Variants in PTPRD observed in about 807,000 individuals in gnomAD.
The protein encoded by PTPRD is protein tyrosine phosphatase receptor type D.
A neutral mutation model predicts 214.5 loss-of-function variants in PTPRD; 34 were observed. That is an observed-to-expected ratio of 0.16 (90% CI 0.12 to 0.21). PTPRD has a LOEUF of 0.21. PTPRD is among the 10% of genes least tolerant of loss of function. PTPRD has a pLI of 1.00. For synonymous variants in PTPRD, 1,128 were observed against 845.7 expected (o/e 1.33, Z -5.79); for missense variants, 2,545 against 2,398.7 (o/e 1.06, Z -1.27).
intron 9 of PTPRD, among the ~76,000 whole-genome samples, chr9:9,392,045 A>G (rs1247061393): frequency 6.6e-6 from 1 of 152,156 alleles, no homozygotes; most frequent in Non-Finnish European, 1.5e-5. Flanking sequence ...AAAGTACCAA[A>G]TTTATAGTCC....
At chr9:9,258,563 T>A (rs1349125519) in intron 9 of PTPRD, among the ~76,000 whole-genome samples, 1 of 151,968 alleles carries the variant, frequency 6.6e-6, no homozygotes, top group African/African-American at 2.4e-5. Context: ...GAGGTCAGAA[T>A]TACATTGAAC....
chr9:8,525,417 G>A (rs2073842876), intron 17 of PTPRD, among the ~76,000 whole-genome samples: 1 of 152,094 alleles, frequency 6.6e-6, no homozygotes, highest in African/African-American at 2.4e-5. Flanking sequence ...GGTACCAAAA[G>A]TGGCGCAAAA....
At chr9:10,227,944 T>C (rs2099594689) in intron 3 of PTPRD, among the ~76,000 whole-genome samples, 1 of 152,000 alleles carries the variant, frequency 6.6e-6, no homozygotes, top group Admixed American at 6.6e-5. Context: ...CTCAAAACTC[T>C]TTCCAGTCAT....
chr9:9,386,435 G>C (rs1467778963), intron 9 of PTPRD, among the ~76,000 whole-genome samples: 1 of 152,138 alleles, frequency 6.6e-6, no homozygotes, highest in Non-Finnish European at 1.5e-5. Context: ...AGTGAGGGTA[G>C]ATCCCGGTAA....
At chr9:9,165,620 T>C (rs1391541133) in intron 10 of PTPRD, among the ~76,000 whole-genome samples, 1 of 152,190 alleles carries the variant, frequency 6.6e-6, no homozygotes, top group Admixed American at 6.5e-5. Flanking sequence ...ATAAATAATG[T>C]GAGACCACTA....
intron 35 of PTPRD, among the ~76,000 whole-genome samples, chr9:8,411,571 T>C (rs1358726087): frequency 1.3e-5 from 2 of 152,212 alleles, no homozygotes; most frequent in Non-Finnish European, 2.9e-5. Context: ...CCCAAAGTGT[T>C]GAGGTTACAG....
chr9:8,475,828 T>A (rs2096752661), intron 30 of PTPRD, among the ~76,000 whole-genome samples: 1 of 152,218 alleles, frequency 6.6e-6, no homozygotes, highest in South Asian at 2.1e-4. Context: ...GCCACTCTTC[T>A]GGCCTCATTC....
intron 8 of PTPRD, among the ~76,000 whole-genome samples, chr9:9,493,673 A>C (rs2154212260): frequency 6.6e-6 from 1 of 151,654 alleles, no homozygotes; most frequent in South Asian, 2.1e-4. Flanking sequence ...CTGTAGTCCC[A>C]GCTACTCAGG....
At position 10,034,407 on chromosome 9, in the gene PTPRD, CT is replaced by C. The variant is rs56827836; in HGVS notation, c.-544-618del. Reference sequence around the variant, plus strand: ...CACTCTGTCTCAGCTCCTGGCTCTACTTTTTTTTTTTTTTTTTTTTTTTTAA... The same window carrying C: ...CACTCTGTCTCAGCTCCTGGCTCTACTTTTTTTTTTTTTTTTTTTTTTTAA... On this transcript the variant is annotated intron_variant, in intron 3 of 45. Coordinates refer to ENST00000381196, the MANE Select transcript of PTPRD (RefSeq NM_002839.4). Among the ~76,000 whole-genome samples the C allele has an allele frequency of 8.0e-3, 718 of 89,512 alleles. 4 individuals carry two copies. Among genetic ancestry groups the C allele is most frequent in the African/African-American group, 0.024 (541 of 22,808 alleles). 58.7% of individuals were successfully genotyped at this position (89,512 alleles called of 152,430 possible). A position where few individuals can be genotyped will look rare whatever the true frequency, so the allele number is the denominator to read the frequency against.
At chr9:10,476,250 A>C (rs776716887) in intron 2 of PTPRD, among the ~76,000 whole-genome samples, 3 of 152,320 alleles carry the variant, frequency 2.0e-5, no homozygotes, top group East Asian at 3.9e-4. Flanking sequence ...GTCTCAGCCC[A>C]AAAACTCCTT....
intron 3 of PTPRD, among the ~76,000 whole-genome samples, chr9:10,309,897 C>T (rs589991): frequency 0.24 from 35,866 of 151,910 alleles, 4,577 homozygotes; most frequent in African/African-American, 0.34. Flanking sequence ...GTGTTAGCAC[C>T]TTATCACTTG....
intron 8 of PTPRD, among the ~76,000 whole-genome samples, chr9:9,440,782 T>G (rs1326813405): frequency 6.6e-6 from 1 of 152,246 alleles, no homozygotes; most frequent in Non-Finnish European, 1.5e-5. Context: ...GATCACAAAA[T>G]TGTTTCAATC....
intron 6 of PTPRD, among the ~76,000 whole-genome samples, chr9:9,752,491 C>G (rs572268806): frequency 2.6e-5 from 4 of 151,806 alleles, no homozygotes; most frequent in African/African-American, 9.7e-5. Context: ...GTACTAGTTT[C>G]TTGTAAAAAT....
chr9:8,809,919 C>G (rs769393490), intron 11 of PTPRD, among the ~76,000 whole-genome samples: 2 of 152,170 alleles, frequency 1.3e-5, no homozygotes, highest in African/African-American at 2.4e-5. Flanking sequence ...CAACAGATGT[C>G]ATAAGAGATA....
intron 35 of PTPRD, among the ~76,000 whole-genome samples, chr9:8,435,219 A>G (rs1024212567): frequency 6.6e-6 from 1 of 152,190 alleles, no homozygotes; most frequent in African/African-American, 2.4e-5. Flanking sequence ...ATATTTGAAG[A>G]TTTTGGGAAG....
chr9:8,414,928 GGGGAGAGAGAGA>G (rs1421951223), intron 35 of PTPRD, among the ~76,000 whole-genome samples: 1,377 of 70,516 alleles, frequency 0.02, 19 homozygotes, highest in Non-Finnish European at 0.029. Context: ...AGAGAGGGAG[GGGGAGAGAGAGA>G]GAGAGAGAGA....
At chr9:9,640,982 G>A (rs2095924201) in intron 7 of PTPRD, among the ~76,000 whole-genome samples, 1 of 152,228 alleles carries the variant, frequency 6.6e-6, no homozygotes, top group African/African-American at 2.4e-5. Flanking sequence ...ATAGTTCTAT[G>A]TGCCTAACAG....
intron 3 of PTPRD, among the ~76,000 whole-genome samples, chr9:10,079,355 G>C (rs1009625033): frequency 2.5e-4 from 38 of 152,060 alleles, no homozygotes; most frequent in African/African-American, 8.2e-4. Context: ...AAAAGAAATG[G>C]TAATACGCTT....
At chr9:8,904,798 TTA>T (rs920097286) in intron 11 of PTPRD, among the ~76,000 whole-genome samples, 2 of 152,184 alleles carry the variant, frequency 1.3e-5, no homozygotes, top group African/African-American at 4.8e-5. Flanking sequence ...TGGGAAAATC[TTA>T]TATTTGATTG....
Sources: allele counts gnomAD v4.1 joint callset (sites outside exome capture counted in the v4.1 genomes callset), GRCh38; gene constraint gnomAD v4.1.1; transcripts MANE v1.5; gene names NCBI Gene and HGNC (gene_info 2026-07-23, HGNC 2026-07-21).